WASF1: variants seen among roughly 807,000 people sequenced by gnomAD.
The protein encoded by WASF1 is actin-binding protein WASF1.
A neutral mutation model predicts 50.5 loss-of-function variants in WASF1; 7 were observed. That is an observed-to-expected ratio of 0.14 (90% CI 0.08 to 0.26). The LOEUF (loss-of-function observed/expected upper bound fraction) is 0.26. WASF1 is among the 10% of genes least tolerant of loss of function. WASF1 has a pLI of 1.00. For missense variants in WASF1, 470 were observed against 694.7 expected (o/e 0.68, Z 3.64); for synonymous variants, 205 against 244.0 (o/e 0.84, Z 1.49).
At chr6:110,164,447 G>C (rs1041283361) in intron 2 of WASF1, among the ~76,000 whole-genome samples, 7 of 151,630 alleles carry the variant, frequency 4.6e-5, no homozygotes, top group Admixed American at 4.6e-4. Flanking sequence ...TTGCAAATAA[G>C]CATATGAAAA....
intron 3 of WASF1, among the ~76,000 whole-genome samples, chr6:110,131,894 A>C (rs1774689196): frequency 2.0e-5 from 3 of 152,108 alleles, no homozygotes; most frequent in Non-Finnish European, 4.4e-5. Context: ...TTTCCATGTA[A>C]ATTTTTAGAA....
At chr6:110,122,219 C>T (rs887454075) in intron 4 of WASF1, among the ~76,000 whole-genome samples, 3 of 145,384 alleles carry the variant, frequency 2.1e-5, no homozygotes, top group Non-Finnish European at 4.5e-5. Context: ...AGCAGATCTC[C>T]GATTTTAAAA....
chr6:110,111,848 T>C (rs1213125658), intron 5 of WASF1, among the ~76,000 whole-genome samples: 2 of 152,086 alleles, frequency 1.3e-5, no homozygotes, highest in East Asian at 3.9e-4. Flanking sequence ...CTAAAATTGA[T>C]TGTGGTGACG....
chr6:110,140,686 T>C (rs1775189312), intron 3 of WASF1, among the ~76,000 whole-genome samples: 1 of 152,194 alleles, frequency 6.6e-6, no homozygotes, highest in African/African-American at 2.4e-5. Context: ...GTATTCCGTG[T>C]TGATTGTTGC....
intron 5 of WASF1, among the ~76,000 whole-genome samples, chr6:110,109,810 T>TC: frequency 6.6e-6 from 1 of 152,012 alleles, no homozygotes; most frequent in East Asian, 1.9e-4. Flanking sequence ...TCTGCCCGCC[T>TC]CAGCCTCCCA....
At chr6:110,118,864 G>C (rs1217639824) in intron 4 of WASF1, among the ~76,000 whole-genome samples, 1 of 152,068 alleles carries the variant, frequency 6.6e-6, no homozygotes, top group Non-Finnish European at 1.5e-5. Flanking sequence ...CAGTGCAATT[G>C]AATTAGAACT....
At chr6:110,124,274 CTATA>C (rs35703116) in intron 4 of WASF1, among the ~76,000 whole-genome samples, 415 of 20,446 alleles carry the variant, frequency 0.02, 17 homozygotes, top group Middle Eastern at 0.031. Flanking sequence ...CTCTCTCTCT[CTATA>C]TATATATATA....
At chr6:110,147,471 A>G (rs2114571536) in intron 3 of WASF1, among the ~76,000 whole-genome samples, 1 of 152,320 alleles carries the variant, frequency 6.6e-6, no homozygotes, top group East Asian at 1.9e-4. Context: ...ATGAAGAAAT[A>G]AGCTACATAC....
chr6:110,137,880 T>C (rs1218350043), intron 3 of WASF1, among the ~76,000 whole-genome samples: 1 of 152,228 alleles, frequency 6.6e-6, no homozygotes, highest in African/African-American at 2.4e-5. Flanking sequence ...TGCAATCCTA[T>C]TAAATTTCTG....
intron 3 of WASF1, among the ~76,000 whole-genome samples, chr6:110,144,466 C>A (rs918524349): frequency 2.6e-5 from 4 of 152,216 alleles, no homozygotes; most frequent in African/African-American, 7.2e-5. Context: ...TCTTTAGTTT[C>A]ATTAGATCCC....
At chr6:110,152,124 A>C (rs1420848138) in intron 3 of WASF1, among the ~76,000 whole-genome samples, 1 of 152,138 alleles carries the variant, frequency 6.6e-6, no homozygotes, top group Admixed American at 6.5e-5. Flanking sequence ...TGACCTTAAA[A>C]TTGGGAGATT....
chr6:110,102,323 T>C, intron 9 of WASF1, 107 bp from the exon 10 acceptor site: 2 of 1,143,184 alleles, frequency 1.7e-6, no homozygotes, highest in Admixed American at 6.4e-5. Flanking sequence ...TCAAAATGGA[T>C]CCAATAACAT....
intron 6 of WASF1, among the ~76,000 whole-genome samples, chr6:110,108,137 C>A (rs1325964144): frequency 1.6e-3 from 79 of 50,194 alleles, no homozygotes; most frequent in East Asian, 2.1e-3. Flanking sequence ...GACTCCGCCT[C>A]AAAAAAAAAA....
At chr6:110,124,208 T>TCTCTC (rs1562170120) in intron 4 of WASF1, among the ~76,000 whole-genome samples, 6 of 112,534 alleles carry the variant, frequency 5.3e-5, no homozygotes, top group Non-Finnish European at 1.0e-4. Flanking sequence ...TCTCTCTCTC[T>TCTCTC]CTCTCTCTCC....
intron 3 of WASF1, among the ~76,000 whole-genome samples, chr6:110,135,781 CT>C: frequency 1.6e-5 from 1 of 62,950 alleles, no homozygotes; most frequent in African/African-American, 6.2e-5. Context: ...TTTGTCATTA[CT>C]TTTTGGCCTT....
intron 2 of WASF1, among the ~76,000 whole-genome samples, chr6:110,171,908 T>A (rs1310249369): frequency 3.3e-5 from 5 of 152,206 alleles, no homozygotes; most frequent in Non-Finnish European, 7.3e-5. Flanking sequence ...AAGACGTCTA[T>A]GCAGCCAACA....
intron 3 of WASF1, among the ~76,000 whole-genome samples, chr6:110,138,532 C>A (rs568996292): frequency 6.6e-6 from 1 of 152,206 alleles, no homozygotes; most frequent in South Asian, 2.1e-4. Flanking sequence ...CATCACTGAG[C>A]GACAGAACAG....
chr6:110,106,379 A>C (rs184352508), intron 7 of WASF1, among the ~76,000 whole-genome samples: 15 of 152,366 alleles, frequency 9.8e-5, no homozygotes, highest in Admixed American at 7.8e-4. Flanking sequence ...CTAGCAAAGA[A>C]GACAATACAA....
At chr6:110,104,858 T>C (rs1773249225) in intron 8 of WASF1, among the ~76,000 whole-genome samples, 1 of 152,130 alleles carries the variant, frequency 6.6e-6, no homozygotes, top group South Asian at 2.1e-4. Context: ...GTTTAATGTG[T>C]TTGCTGGTAG....
Sources: allele counts gnomAD v4.1 joint callset (sites outside exome capture counted in the v4.1 genomes callset), GRCh38; gene constraint gnomAD v4.1.1; transcripts MANE v1.5; gene names NCBI Gene and HGNC (gene_info 2026-07-23, HGNC 2026-07-21).